The following KHDC4 variants were observed in gnomAD, a reference collection of about 807,000 sequenced individuals.
KHDC4 encodes the protein KH domain containing 4, pre-mRNA splicing factor.
KHDC4 carries 19 observed loss-of-function variants against 74.5 expected under a neutral mutation model. The observed-to-expected ratio is 0.26, with a 90% CI of 0.18 to 0.37. The LOEUF is 0.37. KHDC4 is among the 10% of genes least tolerant of loss of function. The probability of loss-of-function intolerance (pLI) is 1.00; values close to 1 mark genes in which losing one functional copy is unlikely to be tolerated. For missense variants in KHDC4, 632 were observed against 754.1 expected (o/e 0.84, Z 1.90); for synonymous variants, 253 against 266.1 (o/e 0.95, Z 0.48).
chr1:155,925,598 G>T lies in KHDC4; in HGVS notation c.893+34C>A, dbSNP rs779663051. 15 of 1,566,438 alleles carry T rather than the reference G, an allele frequency of 9.6e-6. No homozygotes were observed. In the African/African-American group the frequency reaches 1.6e-4, roughly 17 times the overall value. ...CCTGACTGTACCAACAAGTTGACAA[G>T]AATTCACATGTCCCCTGCCCTATCC... On this transcript the variant is annotated intron_variant, in intron 7 of 13. Coordinates refer to ENST00000368321, the MANE Select transcript of KHDC4 (RefSeq NM_014949.4).
At position 155,927,831 on chromosome 1, in the gene KHDC4, A is replaced by C. The variant is rs867064510; in HGVS notation, c.465-675T>G. On this transcript the variant is annotated intron_variant, in intron 4 of 13. Coordinates refer to ENST00000368321, the MANE Select transcript of KHDC4 (RefSeq NM_014949.4). ...AAAAAAAAAAAAAAAAAAAAAAAAA[A>C]CCACACACACACACACACACACACA... 3.5e-4 allele frequency among the ~76,000 whole-genome samples: 10 copies of C among 28,516 alleles called. 2 individuals carry two copies. The highest frequency in any genetic ancestry group is 1.0e-3 in the African/African-American group (10 of 10,010). The allele number at this position is 28,516 out of a possible 152,430, so 18.7% of individuals were successfully genotyped here. A position where few individuals can be genotyped will look rare whatever the true frequency, so the allele number is the denominator to read the frequency against.
Position 155,921,933 on chromosome 1 carries a change from G to C in KHDC4, c.955-15C>G, listed in dbSNP as rs139693276. 8.7e-5 allele frequency: 138 copies of C among 1,580,050 alleles called. No individual in the cohort carries two copies. In the African/African-American group the frequency reaches 1.3e-3, roughly 15 times the overall value. On this transcript the variant is annotated splice_polypyrimidine_tract_variant and intron_variant, in intron 8 of 13. Transcript: ENST00000368321. ...TCAGCATGAACCTGAAAGAGAGGGGGAAACAAATTAACATGGGACAGCCGA... is the reference window on the plus strand; with the variant it reads ...TCAGCATGAACCTGAAAGAGAGGGGCAAACAAATTAACATGGGACAGCCGA...
intron 8 of KHDC4, among the ~76,000 whole-genome samples, chr1:155,923,022 G>A (rs930346209): frequency 5.3e-5 from 8 of 151,962 alleles, no homozygotes; most frequent in African/African-American, 1.9e-4. Flanking sequence ...CGGCTAAAAC[G>A]GTGAAACCCC....
At position 155,934,365 on chromosome 1, in the gene KHDC4, C is replaced by G; in HGVS notation, c.9G>C (p.Ala3=). 1 of 1,611,684 alleles carries G rather than the reference C, an allele frequency of 6.2e-7. No homozygotes were observed. Among genetic ancestry groups the G allele is most frequent in the South Asian group, 1.1e-5 (1 of 91,036 alleles). ...CAGCTCCAGGATGTGTCGCGCTCCCCGCGGACATGGCGACCGCTTCTACTC... is the reference window on the plus strand; with the variant it reads ...CAGCTCCAGGATGTGTCGCGCTCCCGGCGGACATGGCGACCGCTTCTACTC... MS[A]GSATHPGAGG... Residue 3 remains alanine, a synonymous_variant, in exon 1 of 14, where the codon GCG becomes GCC. Coordinates refer to ENST00000368321, the MANE Select transcript of KHDC4 (RefSeq NM_014949.4).
In KHDC4 at chr1:155,925,670, A is replaced by C; in HGVS notation, c.855T>G (p.Ser285=). The change falls in exon 7 of 14, where the codon TCT becomes TCG. Residue 285 remains serine, a synonymous_variant. Transcript: ENST00000368321. ...GKGSGCIEPA[S]GREAFEPMYI... ...ACATAGGTTCAAAAGCTTCTCGGCC[A>C]GATGCTGGCTCAATGCAGCCTGAAC... 1 of 1,614,204 alleles carries C rather than the reference A, an allele frequency of 6.2e-7. No homozygotes were observed. The highest frequency in any genetic ancestry group is 8.5e-7 in the Non-Finnish European group (1 of 1,180,032).
At chr1:155,918,971 GTTTTT>G (rs66693073) in intron 10 of KHDC4, among the ~76,000 whole-genome samples, 2 of 107,444 alleles carry the variant, frequency 1.9e-5, no homozygotes, top group Non-Finnish European at 3.5e-5. Context: ...CTAACTCCCA[GTTTTT>G]TTTTTTTTTT....
intron 13 of KHDC4, 28 bp from the exon 14 acceptor site, chr1:155,914,348 C>A: frequency 6.6e-7 from 1 of 1,518,646 alleles, no homozygotes; most frequent in Non-Finnish European, 9.1e-7. Flanking sequence ...CAACCCCAAC[C>A]CCATCCCCGC....
At position 155,923,073 on chromosome 1, in the gene KHDC4, C is replaced by T. The variant is rs537036657; in HGVS notation, c.954+554G>A. ...ACAAAAAAGTAGCCGGGCGTAGTGG[C>T]GGGCGCCTGTAGTCCCAGCTACTTG... is the stretch of plus-strand genomic sequence containing the variant. On this transcript the variant is annotated intron_variant, in intron 8 of 13. Transcript: ENST00000368321. Among the ~76,000 whole-genome samples the T allele has an allele frequency of 8.0e-3, 1,216 of 151,146 alleles. 15 individuals are homozygous for T. The highest frequency in any genetic ancestry group is 0.028 in the African/African-American group (1,161 of 41,326).
intron 2 of KHDC4, among the ~76,000 whole-genome samples, chr1:155,931,087 TGAG>T (rs934973719): frequency 1.3e-5 from 2 of 151,704 alleles, no homozygotes; most frequent in African/African-American, 4.8e-5. Flanking sequence ...TTTAGGAGGC[TGAG>T]GAGGGTGGAT....
chr1:155,918,652 G>A (rs1324851687), intron 10 of KHDC4, among the ~76,000 whole-genome samples: 1 of 151,710 alleles, frequency 6.6e-6, no homozygotes, highest in Non-Finnish European at 1.5e-5. Context: ...TAACACAATG[G>A]TAAGTATTTG....
At chr1:155,918,638 G>A (rs1435499414) in intron 10 of KHDC4, among the ~76,000 whole-genome samples, 2 of 151,738 alleles carry the variant, frequency 1.3e-5, no homozygotes, top group Non-Finnish European at 2.9e-5. Flanking sequence ...TGTACTGAAT[G>A]CTGTAACACA....
At chr1:155,928,376 T>TAATA (rs954790257) in intron 4 of KHDC4, among the ~76,000 whole-genome samples, 36 of 151,934 alleles carry the variant, frequency 2.4e-4, no homozygotes, top group East Asian at 1.4e-3. Context: ...ACTCCTTCTC[T>TAATA]AATAAATAAA....
rs144143361 is a variant in KHDC4, at chr1:155,929,840, G to C, written c.256C>G (p.Leu86Val). The change falls in exon 3 of 14, where the codon CTT becomes GTT. Residue 86 changes from leucine (L) to valine (V), a missense_variant and splice_region_variant. Physicochemically the swap from Leu to Val is conservative, Grantham distance 32. Coordinates refer to ENST00000368321, the MANE Select transcript of KHDC4 (RefSeq NM_014949.4). ...GTTAGGCCTTTGCCAGGAGCCTGAA[G>C]CTAGAAAAAAGAGAAATTAGATTAA... ...LKPTQNASEKLQAPGKGLTSN... is the reference protein window; with the variant it reads ...LKPTQNASEKVQAPGKGLTSN... 53 of 1,563,596 alleles carry C rather than the reference G, an allele frequency of 3.4e-5. No homozygotes were observed. In the African/African-American group the frequency reaches 6.8e-4, roughly 20 times the overall value.
At chr1:155,916,201 T>G (rs1159678516) in intron 12 of KHDC4, among the ~76,000 whole-genome samples, 2 of 152,226 alleles carry the variant, frequency 1.3e-5, no homozygotes, top group Non-Finnish European at 2.9e-5. Flanking sequence ...TCCTTTCTTA[T>G]GAAGGTTAAT....
intron 1 of KHDC4, 73 bp downstream of exon 1, chr1:155,934,263 C>A: frequency 1.3e-6 from 2 of 1,483,244 alleles, no homozygotes; most frequent in Non-Finnish European, 1.9e-6. Flanking sequence ...ACCCTATACG[C>A]AGCTTCTCAG....
intron 7 of KHDC4, 101 bp from the exon 8 acceptor site, chr1:155,923,788 C>T (rs1188031203): frequency 3.6e-6 from 3 of 830,000 alleles, no homozygotes; most frequent in Non-Finnish European, 6.1e-6. Flanking sequence ...TACATTAATA[C>T]ATTCACTGTA....
At chr1:155,919,749 T>C (rs2102599095) in intron 10 of KHDC4, among the ~76,000 whole-genome samples, 1 of 152,118 alleles carries the variant, frequency 6.6e-6, no homozygotes, top group South Asian at 2.1e-4. Context: ...AGGCGGAGCT[T>C]GCAGTGAGCC....
At chr1:155,926,870 G>T (rs1259993718) in intron 5 of KHDC4, 31 bp from the exon 6 acceptor site, 2 of 1,610,948 alleles carry the variant, frequency 1.2e-6, no homozygotes, top group South Asian at 2.2e-5. Context: ...AAAACTGAAT[G>T]GAATGAACTG....
intron 10 of KHDC4, among the ~76,000 whole-genome samples, chr1:155,919,049 CCT>C (rs1572005614): frequency 7.0e-6 from 1 of 142,668 alleles, no homozygotes; most frequent in South Asian, 2.3e-4. Context: ...CTCACTGCAA[CCT>C]CTGACTCCTG....
Sources: gnomAD v4.1 joint callset for allele counts (sites outside exome capture counted in the v4.1 genomes callset) on GRCh38, gnomAD v4.1.1 for gene constraint, MANE v1.5 for transcripts, NCBI Gene and HGNC (gene_info 2026-07-23, HGNC 2026-07-21) for gene names.